Variants in HMG20A observed in about 807,000 individuals in gnomAD.
HMG20A encodes high mobility group protein 20A.
A neutral mutation model predicts 43.9 loss-of-function variants in HMG20A; 17 were observed. The observed-to-expected ratio is 0.39, with a 90% CI of 0.27 to 0.58. HMG20A has a LOEUF of 0.58. Among genes scored for constraint, HMG20A ranks in the 20% least tolerant of loss-of-function variants. HMG20A has a pLI of 0.59. For missense variants in HMG20A, 341 were observed against 438.2 expected, an observed-to-expected ratio of 0.78 and a Z score of 1.98; for synonymous variants, 132 against 147.5, an observed-to-expected ratio of 0.89 and a Z score of 0.76.
At chr15:77,454,163 T>TAAAA (rs531023947) in intron 1 of HMG20A, among the ~76,000 whole-genome samples, 1 of 129,324 alleles carries the variant, frequency 7.7e-6, no homozygotes, top group Non-Finnish European at 1.7e-5. Context: ...CCCTGTCTCT[T>TAAAA]AAAAAAAAAA....
the HMG20A span, among the ~76,000 whole-genome samples, chr15:77,517,076 T>C: frequency 6.6e-6 from 1 of 152,182 alleles, no homozygotes; most frequent in African/African-American, 2.4e-5. Context: ...ATGCTCACCT[T>C]GGTCCTAGAA....
At chr15:77,519,376 A>G in the HMG20A span, among the ~76,000 whole-genome samples, 1 of 152,220 alleles carries the variant, frequency 6.6e-6, no homozygotes. Flanking sequence ...TATTGTTCCC[A>G]CTTACAGATG....
the HMG20A span, among the ~76,000 whole-genome samples, chr15:77,497,680 A>T: frequency 4.9e-3 from 633 of 129,860 alleles, no homozygotes; most frequent in Non-Finnish European, 6.1e-3. Flanking sequence ...AGAGAGAGAG[A>T]GAGTGTGTGT....
intron 1 of HMG20A, among the ~76,000 whole-genome samples, chr15:77,429,241 G>A (rs557676771): frequency 1.3e-3 from 204 of 151,602 alleles, no homozygotes; most frequent in African/African-American, 4.7e-3. Context: ...TTTTTGAGAC[G>A]GAGTCTTGCT....
downstream of HMG20A, among the ~76,000 whole-genome samples, chr15:77,486,730 CCA>C (rs1567410828): frequency 6.6e-6 from 1 of 152,160 alleles, no homozygotes; most frequent in Admixed American, 6.5e-5. Flanking sequence ...TGTTTCAACT[CCA>C]GTTTCCTCTT....
At position 77,471,025 on chromosome 15, in the gene HMG20A, G is replaced by T; in HGVS notation, c.566G>T (p.Gly189Val). 1 of 1,611,122 alleles carries T rather than the reference G, an allele frequency of 6.2e-7. No individual in the cohort carries two copies. The highest frequency in any genetic ancestry group is 8.5e-7 in the Non-Finnish European group (1 of 1,179,132). The change falls in exon 5 of 10, where the codon GGC (glycine) becomes GTC (valine). Residue 189 changes from glycine to valine, a missense_variant. By Grantham distance (109) the Gly-to-Val change is moderately radical. This residue lies in a region of HMG20A where 220 missense variants were observed against 263.6 expected (regional missense o/e 0.83). Transcript: ENST00000336216. ...AGGAAAACCCAGGACCGTCAGAAAG[G>T]CAAATCTCATAGGCAAGGTATCAAA... is the stretch of plus-strand genomic sequence containing the variant. The part of the protein sequence containing the change: ...FSRKTQDRQK[G>V]KSHRQDAARQ...
chr15:77,452,375 G>A (rs1482251642), intron 1 of HMG20A, among the ~76,000 whole-genome samples: 1 of 152,078 alleles, frequency 6.6e-6, no homozygotes. Context: ...TATTATGATG[G>A]GTGTTTAGTA....
intron 1 of HMG20A, among the ~76,000 whole-genome samples, chr15:77,452,684 T>G (rs2072615162): frequency 6.6e-6 from 1 of 152,116 alleles, no homozygotes; most frequent in Non-Finnish European, 1.5e-5. Context: ...CTTCACAACT[T>G]TGATTAGGCG....
the HMG20A span, among the ~76,000 whole-genome samples, chr15:77,505,605 T>C: frequency 6.6e-6 from 1 of 152,184 alleles, no homozygotes; most frequent in East Asian, 1.9e-4. Flanking sequence ...AGAAATACAG[T>C]GCAACCTGGG....
At chr15:77,459,127 C>G (rs2072682810) in intron 2 of HMG20A, among the ~76,000 whole-genome samples, 1 of 152,194 alleles carries the variant, frequency 6.6e-6, no homozygotes, top group Admixed American at 6.5e-5. Flanking sequence ...TAGCTAATCC[C>G]TAAGATGAAT....
intron 2 of HMG20A, among the ~76,000 whole-genome samples, chr15:77,462,369 A>G (rs1215953323): frequency 1.3e-5 from 2 of 152,060 alleles, no homozygotes; most frequent in Non-Finnish European, 2.9e-5. Context: ...TGCTCATACA[A>G]TGATATTGCT....
Position 77,471,010 on chromosome 15 carries a change from A to C in HMG20A, c.551A>C (p.Gln184Pro). The C allele has an allele frequency of 6.2e-7, 1 of 1,612,560 alleles. No individual in the cohort carries two copies. The highest frequency in any genetic ancestry group is 8.5e-7 in the Non-Finnish European group (1 of 1,179,510). ...EAYKVFSRKT[Q>P]DRQKGKSHRQ... is the part of the protein sequence containing the mutation. ...TACAAGGTCTTCAGTAGGAAAACCC[A>C]GGACCGTCAGAAAGGCAAATCTCAT... Residue 184 changes from glutamine to proline, a missense_variant, in exon 5 of 10, where the codon CAG becomes CCG. By Grantham distance (76) the Gln-to-Pro change is moderately conservative. Around this residue, in one of 3 missense-constraint regions of HMG20A, gnomAD observed 220 missense variants for 263.6 expected, o/e 0.83. Transcript: ENST00000336216.
chr15:77,486,941 G>A (rs2072948518), downstream of HMG20A, among the ~76,000 whole-genome samples: 1 of 152,208 alleles, frequency 6.6e-6, no homozygotes, highest in Non-Finnish European at 1.5e-5. Context: ...TAAGAAGTGT[G>A]TCTTTCTCAT....
chr15:77,503,039 T>C, the HMG20A span, among the ~76,000 whole-genome samples: 1 of 152,328 alleles, frequency 6.6e-6, no homozygotes, highest in Non-Finnish European at 1.5e-5. Flanking sequence ...TCATCTTTCC[T>C]GACAATCCCC....
intron 1 of HMG20A, among the ~76,000 whole-genome samples, chr15:77,437,948 T>C (rs555530204): frequency 6.6e-6 from 1 of 151,882 alleles, no homozygotes; most frequent in South Asian, 2.1e-4. Flanking sequence ...TTGTCTTCTT[T>C]TCTAGAACTG....
intron 8 of HMG20A, among the ~76,000 whole-genome samples, chr15:77,478,831 T>A (rs886763230): frequency 2.2e-4 from 34 of 152,210 alleles, no homozygotes; most frequent in African/African-American, 8.2e-4. Context: ...TATGTATGTT[T>A]GTTTGCTTTT....
chr15:77,475,528 C>G (rs749625663), intron 6 of HMG20A, among the ~76,000 whole-genome samples: 2 of 152,200 alleles, frequency 1.3e-5, no homozygotes, highest in African/African-American at 2.4e-5. Context: ...CCAAGCGTCT[C>G]CACTTTACCC....
chr15:77,511,854 C>T, the HMG20A span, among the ~76,000 whole-genome samples: 1 of 152,138 alleles, frequency 6.6e-6, no homozygotes, highest in African/African-American at 2.4e-5. Flanking sequence ...TATGGCAGAT[C>T]CTCAAAAAAT....
At chr15:77,424,325 A>G (rs1168670376) in intron 1 of HMG20A, among the ~76,000 whole-genome samples, 1 of 152,172 alleles carries the variant, frequency 6.6e-6, no homozygotes, top group Non-Finnish European at 1.5e-5. Flanking sequence ...GTGAAAACAA[A>G]TGAGAGTGAA....
Sources: gnomAD v4.1 joint callset for allele counts (sites outside exome capture counted in the v4.1 genomes callset) on GRCh38, gnomAD v4.1.1 for gene constraint, gnomAD v4.1.1 regional missense constraint, MANE v1.5 for transcripts, NCBI Gene and HGNC (gene_info 2026-07-23, HGNC 2026-07-21) for gene names.